GLRA2: variants seen among roughly 807,000 people sequenced by gnomAD.
GLRA2 encodes the protein glycine receptor subunit alpha-2.
In GLRA2, 11 loss-of-function variants were observed where a neutral mutation model predicts 31.6. The observed-to-expected ratio is 0.35, with a 90% CI of 0.22 to 0.58. GLRA2 has a LOEUF of 0.58. Among genes scored for constraint, GLRA2 ranks in the 20% least tolerant of loss-of-function variants. GLRA2 has a pLI of 0.84. For missense variants in GLRA2, 212 were observed against 351.8 expected (o/e 0.60, Z 3.18); for synonymous variants, 132 against 134.0 (o/e 0.99, Z 0.10).
chrX:14,728,927 G>T (rs1247181812), intron 8 of GLRA2, among the ~76,000 whole-genome samples: 1 of 111,950 alleles, frequency 8.9e-6, no homozygotes, highest in Non-Finnish European at 1.9e-5. Context: ...TCCCCATTTT[G>T]CACATGATCA....
In GLRA2 at chrX:14,642,045, T is replaced by G. The variant is rs766679903; in HGVS notation, c.930+32840T>G. ...CAGGCAGCCCAAGACACAGGAGCAC[T>G]TTAATAAAATAGAAACTTAGGTTCC... On this transcript the variant is annotated intron_variant, in intron 7 of 8. Coordinates refer to ENST00000218075, the MANE Select transcript of GLRA2 (RefSeq NM_002063.4). Among the ~76,000 whole-genome samples, 6 of 111,324 alleles carry G rather than the reference T, an allele frequency of 5.4e-5. 1 individual carries two copies. The East Asian group carries it at 1.7e-3, about 31-fold the overall frequency.
Position 14,607,280 on chromosome X carries a change from T to TC in GLRA2, c.715+12_715+13insC, listed in dbSNP as rs746619310. On this transcript the variant is annotated intron_variant, in intron 6 of 8. Coordinates refer to ENST00000218075, the MANE Select transcript of GLRA2 (RefSeq NM_002063.4). ...GCACTACAACACTGGTAAGTTTCTT[T>TC]TTTTTTTTTTTTCAGCTGTTAAACA... is the stretch of plus-strand genomic sequence containing the variant. 10 of 1,095,206 alleles carry TC rather than the reference T, an allele frequency of 9.1e-6. No homozygotes were observed. The Admixed American group carries it at 1.2e-4, about 13-fold the overall frequency. The allele number at this position is 1,095,206 out of a possible 1,213,427, so 90.3% of individuals were successfully genotyped here.
chrX:14,710,731 T>C (rs1417323547), intron 8 of GLRA2, among the ~76,000 whole-genome samples: 2 of 111,911 alleles, frequency 1.8e-5, no homozygotes, highest in Non-Finnish European at 3.8e-5. Flanking sequence ...TGGAGGGCCA[T>C]AGCAGGACAT....
intron 2 of GLRA2, among the ~76,000 whole-genome samples, chrX:14,545,895 G>C (rs3027326): frequency 0.2 from 22,608 of 110,798 alleles, 2,261 homozygotes; most frequent in Non-Finnish European, 0.31. Context: ...TATACAGTGT[G>C]TTCCCAAAAT....
rs758720753 is a variant in GLRA2, at chrX:14,713,735, A to G, written c.1081-16472A>G. 2.5e-4 allele frequency among the ~76,000 whole-genome samples: 28 copies of G among 111,317 alleles called. No individual in the cohort carries two copies. The South Asian group carries it at 9.5e-3, about 38-fold the overall frequency. On this transcript the variant is annotated intron_variant, in intron 8 of 8. Coordinates refer to ENST00000218075, the MANE Select transcript of GLRA2 (RefSeq NM_002063.4). ...ACAAAGCCTAAAATGTTGACTATCT[A>G]GCCCTTTACAGAAAATGTTTGCTGA...
intron 7 of GLRA2, among the ~76,000 whole-genome samples, chrX:14,625,410 T>C (rs1410047400): frequency 9.0e-6 from 1 of 111,669 alleles, no homozygotes; most frequent in Non-Finnish European, 1.9e-5. Context: ...CTGGTTATTT[T>C]GCTCGTTAGT....
intron 7 of GLRA2, among the ~76,000 whole-genome samples, chrX:14,654,725 G>A (rs1321759533): frequency 9.0e-6 from 1 of 111,633 alleles, no homozygotes; most frequent in Non-Finnish European, 1.9e-5. Context: ...CAGAGTAGTT[G>A]TATTAGTCCA....
At chrX:14,653,901 G>C (rs1487557015) in intron 7 of GLRA2, among the ~76,000 whole-genome samples, 1 of 112,150 alleles carries the variant, frequency 8.9e-6, no homozygotes, top group Non-Finnish European at 1.9e-5. Flanking sequence ...AAGTAGGGAG[G>C]ATCACTTGAG....
At chrX:14,606,015 ATTT>A (rs149225437) in intron 5 of GLRA2, among the ~76,000 whole-genome samples, 2,139 of 101,074 alleles carry the variant, frequency 0.021, 66 homozygotes, top group African/African-American at 0.07. Context: ...TGTTCTTATT[ATTT>A]TTTTTTTTTT....
At chrX:14,673,859 T>C (rs1249799916) in intron 7 of GLRA2, among the ~76,000 whole-genome samples, 1 of 112,315 alleles carries the variant, frequency 8.9e-6, no homozygotes, top group Non-Finnish European at 1.9e-5. Flanking sequence ...AGTATGTCCA[T>C]GGCTGCAGGT....
intron 4 of GLRA2, among the ~76,000 whole-genome samples, chrX:14,582,516 A>T (rs952124004): frequency 2.4e-4 from 26 of 110,370 alleles, no homozygotes; most frequent in Admixed American, 9.7e-5. Context: ...ATAGCAGTTT[A>T]TCTGTGACTC....
chrX:14,574,082 A>G (rs191580322), intron 2 of GLRA2, among the ~76,000 whole-genome samples: 1 of 112,185 alleles, frequency 8.9e-6, no homozygotes, highest in African/African-American at 3.2e-5. Context: ...ATGACAGTGA[A>G]TCCAGTTCAA....
At chrX:14,626,302 A>C (rs148236923) in intron 7 of GLRA2, among the ~76,000 whole-genome samples, 1 of 112,304 alleles carries the variant, frequency 8.9e-6, no homozygotes. Context: ...TGTCCATACT[A>C]TGCTAATTAT....
At chrX:14,600,103 A>T (rs1262031083) in intron 4 of GLRA2, among the ~76,000 whole-genome samples, 2 of 111,405 alleles carry the variant, frequency 1.8e-5, no homozygotes, top group Non-Finnish European at 3.8e-5. Flanking sequence ...GGATAGGGTC[A>T]TGCTTGTTAG....
intron 2 of GLRA2, among the ~76,000 whole-genome samples, chrX:14,566,324 G>C (rs1266176066): frequency 3.6e-5 from 4 of 111,881 alleles, no homozygotes; most frequent in African/African-American, 1.3e-4. Flanking sequence ...ACAAAGAAAA[G>C]TTCAAGACCA....
At chrX:14,512,383 C>T in the GLRA2 span, among the ~76,000 whole-genome samples, 2 of 111,442 alleles carry the variant, frequency 1.8e-5, no homozygotes, top group African/African-American at 6.5e-5. Context: ...CCCACTTTCA[C>T]CACTTCTATT....
chrX:14,491,930 C>T, the GLRA2 span, among the ~76,000 whole-genome samples: 7 of 111,706 alleles, frequency 6.3e-5, no homozygotes, highest in African/African-American at 3.3e-5. Context: ...AGTCTTTGTG[C>T]ACTTTACAGA....
At chrX:14,520,987 C>T in the GLRA2 span, among the ~76,000 whole-genome samples, 1 of 112,394 alleles carries the variant, frequency 8.9e-6, no homozygotes, top group South Asian at 3.7e-4. Context: ...CTTTAATATG[C>T]CTTTGATTTC....
At chrX:14,512,906 GAA>G in the GLRA2 span, among the ~76,000 whole-genome samples, 4 of 109,417 alleles carry the variant, frequency 3.7e-5, no homozygotes, top group Admixed American at 1.9e-4. Flanking sequence ...AACAGAACTA[GAA>G]AAAAAAATCC....
Sources: allele counts gnomAD v4.1 joint callset (sites outside exome capture counted in the v4.1 genomes callset), GRCh38; gene constraint gnomAD v4.1.1; transcripts MANE v1.5; gene names NCBI Gene and HGNC (gene_info 2026-07-23, HGNC 2026-07-21).